The following DENND5B variants were observed in gnomAD, a reference collection of about 807,000 sequenced individuals.
DENND5B encodes the protein DENN domain-containing protein 5B.
Under a neutral mutation model 140.6 loss-of-function variants are expected in DENND5B, and 34 were observed. The observed-to-expected ratio is 0.24, with a 90% confidence interval of 0.18 to 0.32. The LOEUF (loss-of-function observed/expected upper bound fraction) is 0.32, where lower values mean the gene tolerates loss of function less well. DENND5B is among the 10% of genes least tolerant of loss of function. DENND5B has a pLI of 1.00. For synonymous variants in DENND5B, 551 were observed against 562.1 expected (o/e 0.98, Z 0.28); for missense variants, 1,142 against 1,560.2 (o/e 0.73, Z 4.52).
Position 31,452,244 on chromosome 12 carries a change from A to T in DENND5B, c.1325T>A (p.Ile442Asn). ...GCCCTTCAGTAACTCATACATGCTG[A>T]TGTTATTAGTACAGACATTGCCGTT... ...KKNGNVCTNN[I>N]SMYELLKGNE... Residue 442 changes from isoleucine to asparagine, a missense_variant, in exon 5 of 21, where the codon ATC becomes AAC. Physicochemically the swap from Ile to Asn is moderately radical, Grantham distance 149. Transcript: ENST00000389082. The T allele has an allele frequency of 6.2e-7, 1 of 1,613,920 alleles. No homozygotes were observed. Among genetic ancestry groups the T allele is most frequent in the Non-Finnish European group, 8.5e-7 (1 of 1,179,878 alleles).
At chr12:31,514,828 A>AT (rs1301943105) in intron 1 of DENND5B, among the ~76,000 whole-genome samples, 1 of 131,630 alleles carries the variant, frequency 7.6e-6, no homozygotes, top group Non-Finnish European at 1.7e-5. Flanking sequence ...TCTCAAAAAA[A>AT]AAAAAAAATT....
At chr12:31,474,025 T>C (rs1340275999) in intron 3 of DENND5B, among the ~76,000 whole-genome samples, 1 of 152,216 alleles carries the variant, frequency 6.6e-6, no homozygotes, top group Non-Finnish European at 1.5e-5. Flanking sequence ...AACTATGATG[T>C]CCACTTGAGC....
At chr12:31,417,201 C>CA (rs1473586233) in intron 11 of DENND5B, among the ~76,000 whole-genome samples, 6 of 150,460 alleles carry the variant, frequency 4.0e-5, no homozygotes, top group Non-Finnish European at 8.9e-5. Flanking sequence ...CTAAAAAATA[C>CA]AAAAAATTAG....
chr12:31,420,131 A>G, intron 11 of DENND5B: 1 of 911,838 alleles, frequency 1.1e-6, no homozygotes, highest in South Asian at 5.0e-5. Context: ...TTTATTTATT[A>G]TTATTATTTT....
intron 10 of DENND5B, 99 bp downstream of exon 10, chr12:31,424,436 A>C: frequency 1.4e-6 from 2 of 1,382,622 alleles, no homozygotes; most frequent in East Asian, 2.5e-5. Context: ...CTTGTGACAA[A>C]AGAGCCTATT....
intron 1 of DENND5B, among the ~76,000 whole-genome samples, chr12:31,502,530 A>G: frequency 6.6e-6 from 1 of 152,172 alleles, no homozygotes; most frequent in South Asian, 2.1e-4. Context: ...AGCTTTGAAG[A>G]GTGTAAAAAC....
At chr12:31,401,542 C>T (rs1941797391) in intron 15 of DENND5B, among the ~76,000 whole-genome samples, 1 of 152,126 alleles carries the variant, frequency 6.6e-6, no homozygotes, top group Non-Finnish European at 1.5e-5. Flanking sequence ...CTTCCTCCAC[C>T]AAGATCAACC....
chr12:31,392,016 G>A (rs1006931338), intron 19 of DENND5B, among the ~76,000 whole-genome samples: 5 of 151,608 alleles, frequency 3.3e-5, no homozygotes, highest in Non-Finnish European at 7.4e-5. Flanking sequence ...GTGCACACCT[G>A]TAGTCCCAGC....
chr12:31,471,358 A>G (rs556209338), intron 3 of DENND5B, among the ~76,000 whole-genome samples: 88 of 151,968 alleles, frequency 5.8e-4, no homozygotes, highest in Non-Finnish European at 9.4e-4. Flanking sequence ...TCTGTCACCT[A>G]GGCTGGAATG....
chr12:31,498,586 T>C (rs1057511646), intron 1 of DENND5B, among the ~76,000 whole-genome samples: 1 of 152,180 alleles, frequency 6.6e-6, no homozygotes, highest in Admixed American at 6.5e-5. Flanking sequence ...GGAAAGATCA[T>C]TGCTATATAT....
intron 8 of DENND5B, chr12:31,432,666 TACAAATAA>T (rs1461132281): frequency 1.3e-5 from 2 of 152,438 alleles, no homozygotes; most frequent in Non-Finnish European, 2.9e-5. Context: ...TTTCAAAGAG[TACAAATAA>T]AAGTGTAAGG....
In DENND5B at chr12:31,553,035, T is replaced by G. The variant is rs185153221; in HGVS notation, c.127+37671A>C. ...CCAGGTCCTGGATTCATTAATTTTT[T>G]GAAGGGTTTTTTTGGTCTCTATTTC... On this transcript the variant is annotated intron_variant, in intron 1 of 20. Coordinates refer to ENST00000389082, the MANE Select transcript of DENND5B (RefSeq NM_144973.4). Among the ~76,000 whole-genome samples the G allele has an allele frequency of 1.8e-4, 28 of 152,320 alleles. No individual in the cohort carries two copies. In the East Asian group the frequency reaches 4.8e-3, roughly 26 times the overall value.
chr12:31,422,148 G>A (rs147141075), intron 11 of DENND5B, among the ~76,000 whole-genome samples: 4 of 151,846 alleles, frequency 2.6e-5, no homozygotes, highest in South Asian at 2.1e-4. Context: ...GGTCAGGCAC[G>A]GTGGCTCACT....
At chr12:31,458,593 A>G (rs1944883274) in intron 4 of DENND5B, among the ~76,000 whole-genome samples, 1 of 152,184 alleles carries the variant, frequency 6.6e-6, no homozygotes. Flanking sequence ...GAATCATGCT[A>G]TTTTCCTTTG....
At chr12:31,581,108 CTT>C (rs1237512360) in intron 1 of DENND5B, among the ~76,000 whole-genome samples, 3 of 151,778 alleles carry the variant, frequency 2.0e-5, no homozygotes, top group South Asian at 2.1e-4. Flanking sequence ...CTGTCTCACT[CTT>C]GTTATAAATA....
rs145022467 is a variant in DENND5B at position 31,499,472 on chromosome 12, G to C, written c.128-3553C>G. 4 of 595,444 alleles carry C rather than the reference G, an allele frequency of 6.7e-6. No individual in the cohort carries two copies. In the East Asian group the frequency reaches 1.4e-4, roughly 21 times the overall value. The allele number at this position is 595,444 out of a possible 1,614,324, so 36.9% of individuals were successfully genotyped here. A position where few individuals can be genotyped will look rare whatever the true frequency, so the allele number is the denominator to read the frequency against. On this transcript the variant is annotated intron_variant, in intron 1 of 20. Coordinates refer to ENST00000389082, the MANE Select transcript of DENND5B (RefSeq NM_144973.4). ...TTTATGAAAATTAAGATGCAGATGA[G>C]AGAAGAGAAACATAAAATAACATCT... is the stretch of plus-strand genomic sequence containing the variant.
chr12:31,506,532 AG>A (rs1947208159), intron 1 of DENND5B: 1 of 152,202 alleles, frequency 6.6e-6, no homozygotes, highest in Non-Finnish European at 1.5e-5. Flanking sequence ...AAGTTAGCAC[AG>A]ACCCCACAAG....
chr12:31,399,366 C>A (rs1941675685), intron 16 of DENND5B, among the ~76,000 whole-genome samples: 1 of 149,388 alleles, frequency 6.7e-6, no homozygotes, highest in South Asian at 2.1e-4. Context: ...GAAATCTCCC[C>A]CTCCCGGGTT....
At chr12:31,547,199 C>T (rs1405688936) in intron 1 of DENND5B, among the ~76,000 whole-genome samples, 4 of 152,088 alleles carry the variant, frequency 2.6e-5, no homozygotes, top group African/African-American at 9.7e-5. Flanking sequence ...CATTGTTAAA[C>T]ATATATCTAA....
Sources: gnomAD v4.1 joint callset for allele counts (sites outside exome capture counted in the v4.1 genomes callset) on GRCh38, gnomAD v4.1.1 for gene constraint, MANE v1.5 for transcripts, NCBI Gene and HGNC (gene_info 2026-07-23, HGNC 2026-07-21) for gene names.